GLIS3: variants seen among roughly 807,000 people sequenced by gnomAD.
GLIS3 encodes zinc finger protein GLIS3.
Under a neutral mutation model 78.6 loss-of-function variants are expected in GLIS3, and 53 were observed. That is an observed-to-expected ratio of 0.67 (90% CI 0.54 to 0.85). The LOEUF is 0.85. Ranked by LOEUF, GLIS3 falls within the 40% of genes least tolerant of loss-of-function variation. The pLI is 0.00. For missense variants in GLIS3, 1,703 were observed against 1,231.1 expected (o/e 1.38, Z -5.74); for synonymous variants, 684 against 509.9 (o/e 1.34, Z -4.60).
Position 4,291,762 on chromosome 9 carries a change from C to A in GLIS3, c.-98-5239G>T, listed in dbSNP as rs371419064. ...ATTGCTGGAGCAAATTCAGGACCTT[C>A]AGGAATACACCGCTCGAGGGCAATA... On this transcript the variant is annotated intron_variant, in intron 1 of 10. Coordinates refer to ENST00000381971, the MANE Select transcript of GLIS3 (RefSeq NM_001042413.2). Among the ~76,000 whole-genome samples the A allele has an allele frequency of 2.0e-5, 3 of 152,130 alleles. No individual in the cohort carries two copies. In the East Asian group the frequency reaches 5.8e-4, roughly 29 times the overall value.
chr9:4,219,045 T>C (rs1821097729), intron 2 of GLIS3, among the ~76,000 whole-genome samples: 1 of 152,220 alleles, frequency 6.6e-6, no homozygotes, highest in South Asian at 2.1e-4. Context: ...AAGAGCCCAA[T>C]GAATAAATGA....
chr9:4,234,123 T>A (rs972974866), intron 2 of GLIS3, among the ~76,000 whole-genome samples: 1 of 152,104 alleles, frequency 6.6e-6, no homozygotes, highest in South Asian at 2.1e-4. Context: ...TTTCTCCGTA[T>A]CAGCAATGAG....
intron 4 of GLIS3, among the ~76,000 whole-genome samples, chr9:3,969,423 G>A (rs661726): frequency 0.59 from 90,116 of 152,006 alleles, 27,510 homozygotes; most frequent in African/African-American, 0.72. Context: ...GATTTACTAA[G>A]GCCCAATGTT....
Position 4,286,504 on chromosome 9 carries a change from C to T in GLIS3, c.-79G>A, listed in dbSNP as rs886063956. The T allele has an allele frequency of 2.3e-4, 360 of 1,542,282 alleles. 3 individuals carry two copies. Among genetic ancestry groups the T allele is most frequent in the Non-Finnish European group, 5.0e-5 (56 of 1,124,622 alleles). ...TTTCAGGCAAAGTCCAATAAGTTAT[C>T]CATGGTGTGGGTTATAAGCCTGTTT... On this transcript the variant is annotated 5_prime_UTR_variant, in exon 2 of 11. Coordinates refer to ENST00000381971, the MANE Select transcript of GLIS3 (RefSeq NM_001042413.2).
At chr9:4,330,354 G>T in intron 2 of GLIS3, among the ~76,000 whole-genome samples, 1 of 152,376 alleles carries the variant, frequency 6.6e-6, no homozygotes, top group East Asian at 1.9e-4. Context: ...TCTGGCACAG[G>T]CCCTGCGAGT....
At chr9:3,832,723 G>A (rs1474641844) in intron 9 of GLIS3, among the ~76,000 whole-genome samples, 1 of 152,150 alleles carries the variant, frequency 6.6e-6, no homozygotes, top group East Asian at 1.9e-4. Context: ...AATCTCTCCT[G>A]AGCAAAATAG....
intron 2 of GLIS3, among the ~76,000 whole-genome samples, chr9:4,200,260 C>T (rs1405026338): frequency 6.6e-6 from 1 of 151,668 alleles, no homozygotes; most frequent in Non-Finnish European, 1.5e-5. Context: ...GAAACAAGAA[C>T]AAACTAACTC....
intron 4 of GLIS3, among the ~76,000 whole-genome samples, chr9:4,014,504 T>C (rs928688791): frequency 2.6e-5 from 4 of 152,140 alleles, no homozygotes; most frequent in Non-Finnish European, 4.4e-5. Context: ...AGAGGAAAGA[T>C]GGCCATGTGA....
chr9:4,401,586 G>A, the GLIS3 span, among the ~76,000 whole-genome samples: 2 of 90,238 alleles, frequency 2.2e-5, no homozygotes, highest in South Asian at 6.4e-4. Context: ...TTTTTTTTTT[G>A]CAACAGAGTC....
intron 4 of GLIS3, among the ~76,000 whole-genome samples, chr9:4,008,416 G>A (rs948062174): frequency 6.6e-6 from 1 of 152,136 alleles, no homozygotes; most frequent in Admixed American, 6.6e-5. Context: ...AAGTGAAGAG[G>A]AGGACAGAAT....
At chr9:4,439,414 T>A in the GLIS3 span, among the ~76,000 whole-genome samples, 1 of 152,172 alleles carries the variant, frequency 6.6e-6, no homozygotes, top group Non-Finnish European at 1.5e-5. Flanking sequence ...CCATTTCTCT[T>A]CTTCTCCTCC....
At chr9:4,235,830 G>A (rs1170289980) in intron 2 of GLIS3, among the ~76,000 whole-genome samples, 1 of 152,080 alleles carries the variant, frequency 6.6e-6, no homozygotes, top group Non-Finnish European at 1.5e-5. Context: ...TGATTAAAGA[G>A]AACCAAAAGA....
the GLIS3 span, among the ~76,000 whole-genome samples, chr9:4,390,035 C>T: frequency 2.0e-5 from 3 of 152,174 alleles, no homozygotes; most frequent in African/African-American, 2.4e-5. Flanking sequence ...ATACTATGTG[C>T]TGCAATGGGC....
At chr9:4,279,318 T>TAC (rs1827322806) in intron 2 of GLIS3, among the ~76,000 whole-genome samples, 3 of 53,600 alleles carry the variant, frequency 5.6e-5, no homozygotes, top group Non-Finnish European at 1.0e-4. Flanking sequence ...AAAAAAAATA[T>TAC]ATATATACAC....
the GLIS3 span, among the ~76,000 whole-genome samples, chr9:4,431,242 G>A: frequency 6.6e-6 from 1 of 152,138 alleles, no homozygotes; most frequent in Non-Finnish European, 1.5e-5. Context: ...GAATAACTTA[G>A]CAGCAAACTT....
At chr9:3,985,607 G>A (rs1348361691) in intron 4 of GLIS3, among the ~76,000 whole-genome samples, 1 of 152,154 alleles carries the variant, frequency 6.6e-6, no homozygotes, top group Non-Finnish European at 1.5e-5. Context: ...AGATTGTGTA[G>A]ATATACAACA....
the GLIS3 span, among the ~76,000 whole-genome samples, chr9:4,379,939 C>A: frequency 4.6e-5 from 7 of 150,676 alleles, no homozygotes; most frequent in Middle Eastern, 3.4e-3. Flanking sequence ...AAAAGGAGGT[C>A]TGTCTTAGAG....
At chr9:4,110,414 T>C (rs1831114964) in intron 4 of GLIS3, among the ~76,000 whole-genome samples, 1 of 152,220 alleles carries the variant, frequency 6.6e-6, no homozygotes. Context: ...AAACTAATCA[T>C]TTAAAAAATT....
intron 2 of GLIS3, among the ~76,000 whole-genome samples, chr9:4,202,595 C>T (rs899983082): frequency 1.4e-4 from 21 of 152,038 alleles, no homozygotes; most frequent in African/African-American, 5.1e-4. Context: ...TAAACAAAAT[C>T]GCATGGTGAA....
Sources: gnomAD v4.1 joint callset for allele counts (sites outside exome capture counted in the v4.1 genomes callset) on GRCh38, gnomAD v4.1.1 for gene constraint, MANE v1.5 for transcripts, NCBI Gene and HGNC (gene_info 2026-07-23, HGNC 2026-07-21) for gene names.